Variants in AGMO observed in about 807,000 individuals in gnomAD.
AGMO encodes alkylglycerol monooxygenase.
Under a neutral mutation model 60.2 loss-of-function variants are expected in AGMO, and 75 were observed. The observed-to-expected ratio is 1.25, with a 90% CI of 1.03 to 1.51. The LOEUF is 1.51. AGMO is among the 40% of genes most tolerant of loss of function. AGMO has a pLI of 0.00. For missense variants in AGMO, 763 were observed against 525.5 expected, an observed-to-expected ratio of 1.45 and a Z score of -4.42; for synonymous variants, 261 against 177.1, an observed-to-expected ratio of 1.47 and a Z score of -3.76.
chr7:15,457,525 A>G (rs887649436), intron 3 of AGMO, among the ~76,000 whole-genome samples: 1 of 152,214 alleles, frequency 6.6e-6, no homozygotes, highest in Non-Finnish European at 1.5e-5. Context: ...ATGTGTAATT[A>G]TCATGTATTG....
intron 3 of AGMO, among the ~76,000 whole-genome samples, chr7:15,465,804 A>G (rs906545903): frequency 4.6e-5 from 7 of 151,950 alleles, no homozygotes; most frequent in African/African-American, 1.7e-4. Context: ...TTTACTTGAT[A>G]ACCTGTTCCT....
intron 5 of AGMO, among the ~76,000 whole-genome samples, chr7:15,411,839 G>A (rs9639232): frequency 0.53 from 80,633 of 151,748 alleles, 21,826 homozygotes; most frequent in Middle Eastern, 0.65. Context: ...AAGATAAATA[G>A]AATGGAGATA....
At chr7:15,457,261 A>G (rs2128507516) in intron 3 of AGMO, among the ~76,000 whole-genome samples, 1 of 152,290 alleles carries the variant, frequency 6.6e-6, no homozygotes, top group Non-Finnish European at 1.5e-5. Context: ...GTGTTCAGAT[A>G]ACTTTGATAA....
rs1172773961 is a variant in AGMO at position 15,387,391 on chromosome 7, G to A, written c.957+15C>T. The stretch of plus-strand genomic sequence containing the variant: ...GACAATCTTCACCATCTCCAATTCT[G>A]TGAACTCTATTTACCTCTGGAATTT... On this transcript the variant is annotated intron_variant, in intron 9 of 12. Coordinates refer to ENST00000342526, the MANE Select transcript of AGMO (RefSeq NM_001004320.2). The A allele has an allele frequency of 4.3e-6, 7 of 1,610,468 alleles. No individual in the cohort carries two copies. Among genetic ancestry groups the A allele is most frequent in the South Asian group, 1.1e-5 (1 of 90,746 alleles).
chr7:15,129,858 A>G, the AGMO span, among the ~76,000 whole-genome samples: 1 of 152,164 alleles, frequency 6.6e-6, no homozygotes, highest in Non-Finnish European at 1.5e-5. Flanking sequence ...AACTCAATAC[A>G]GCCTTGTTGT....
chr7:15,305,891 G>C (rs1203431593), intron 12 of AGMO, among the ~76,000 whole-genome samples: 3 of 151,726 alleles, frequency 2.0e-5, no homozygotes, highest in South Asian at 2.1e-4. Flanking sequence ...GAACCTAAAA[G>C]AACAAATCTT....
At chr7:15,230,128 C>A (rs184262261) in intron 12 of AGMO, among the ~76,000 whole-genome samples, 7 of 151,848 alleles carry the variant, frequency 4.6e-5, no homozygotes, top group Admixed American at 2.0e-4. Context: ...AAAGGACTTA[C>A]AACAAAGGAA....
At chr7:15,556,752 A>AAGTTT (rs1459639795) in intron 2 of AGMO, among the ~76,000 whole-genome samples, 4 of 152,238 alleles carry the variant, frequency 2.6e-5, no homozygotes, top group Admixed American at 2.6e-4. Context: ...TTGTTAAATC[A>AAGTTT]AGTTTAATTT....
chr7:15,267,359 A>C (rs982965660), intron 12 of AGMO, among the ~76,000 whole-genome samples: 8 of 152,018 alleles, frequency 5.3e-5, no homozygotes, highest in Admixed American at 1.3e-4. Context: ...AAAAAGACAG[A>C]ATAAAAACTC....
intron 6 of AGMO, among the ~76,000 whole-genome samples, chr7:15,391,748 A>G (rs566723106): frequency 3.9e-5 from 6 of 152,306 alleles, no homozygotes; most frequent in Admixed American, 3.9e-4. Flanking sequence ...CATGCTTTAA[A>G]TAATGGTTCT....
chr7:15,275,460 A>G (rs964396821), intron 12 of AGMO, among the ~76,000 whole-genome samples: 7 of 152,078 alleles, frequency 4.6e-5, no homozygotes, highest in Admixed American at 2.0e-4. Flanking sequence ...GGTCAACTTA[A>G]TCTCATGTGG....
the AGMO span, among the ~76,000 whole-genome samples, chr7:15,181,283 C>T: frequency 1.9e-3 from 285 of 152,244 alleles, no homozygotes; most frequent in African/African-American, 6.5e-3. Context: ...GTAGAGAGGT[C>T]TTTCACATAA....
intron 12 of AGMO, among the ~76,000 whole-genome samples, chr7:15,320,876 T>G (rs934230078): frequency 7.9e-5 from 12 of 152,218 alleles, no homozygotes; most frequent in African/African-American, 2.9e-4. Flanking sequence ...TTGGATGGTA[T>G]AACTTTAGTT....
At chr7:15,498,633 T>C (rs1185376925) in intron 3 of AGMO, among the ~76,000 whole-genome samples, 5 of 151,986 alleles carry the variant, frequency 3.3e-5, no homozygotes, top group African/African-American at 1.2e-4. Context: ...CAATGTGCTT[T>C]ATTTTTTTCT....
intron 4 of AGMO, among the ~76,000 whole-genome samples, chr7:15,430,248 A>G (rs1423772205): frequency 2.0e-5 from 3 of 152,018 alleles, no homozygotes; most frequent in Non-Finnish European, 4.4e-5. Flanking sequence ...GTTAATAAAT[A>G]GCTTATTGAT....
chr7:15,128,072 C>T, the AGMO span, among the ~76,000 whole-genome samples: 1 of 152,044 alleles, frequency 6.6e-6, no homozygotes, highest in African/African-American at 2.4e-5. Flanking sequence ...TTTATTTCCT[C>T]CTCTCTGTTT....
At chr7:15,122,182 A>T in the AGMO span, among the ~76,000 whole-genome samples, 2 of 152,178 alleles carry the variant, frequency 1.3e-5, no homozygotes, top group Non-Finnish European at 2.9e-5. Context: ...AATATCCAAA[A>T]TCTCCAAGGA....
chr7:15,382,996 C>G (rs981470944), intron 10 of AGMO, among the ~76,000 whole-genome samples: 1 of 150,838 alleles, frequency 6.6e-6, no homozygotes, highest in African/African-American at 2.4e-5. Context: ...TCTATCACCT[C>G]AATTTTTTTT....
chr7:15,419,794 G>A (rs1412570663), intron 4 of AGMO, among the ~76,000 whole-genome samples: 1 of 151,936 alleles, frequency 6.6e-6, no homozygotes, highest in East Asian at 1.9e-4. Context: ...CTCTCTCTGT[G>A]ATACTCCCTA....
Sources: allele counts gnomAD v4.1 joint callset (sites outside exome capture counted in the v4.1 genomes callset), GRCh38; gene constraint gnomAD v4.1.1; transcripts MANE v1.5; gene names NCBI Gene and HGNC (gene_info 2026-07-23, HGNC 2026-07-21).